The following LRRK1 variants were observed in gnomAD, a reference collection of about 807,000 sequenced individuals.
LRRK1 encodes leucine rich repeat kinase 1.
A neutral mutation model predicts 209.1 loss-of-function variants in LRRK1; 113 were observed. The observed-to-expected ratio is 0.54, with a 90% confidence interval of 0.46 to 0.63. LRRK1 has a LOEUF of 0.63. Among genes scored for constraint, LRRK1 ranks in the 30% least tolerant of loss-of-function variants. The pLI is 0.00. For missense variants in LRRK1, 2,284 were observed against 2,632.2 expected, an observed-to-expected ratio of 0.87 and a Z score of 2.89; for synonymous variants, 1,144 against 1,099.7, an observed-to-expected ratio of 1.04 and a Z score of -0.80.
chr15:101,051,749 G>T lies in LRRK1; in HGVS notation c.3478G>T (p.Glu1160Ter). The change falls in exon 24 of 34, where the codon GAG (glutamate) becomes TAG (stop). Residue 1160 changes from glutamate (E) to a stop codon, truncating the protein, a stop_gained. Transcript: ENST00000388948. LOFTEE classifies it high-confidence loss of function. ...ATESDGTPLMEQYVPCPVCET... is the reference protein window; with the variant it reads ...ATESDGTPLM ...AGAGAGCGACGGGACGCCACTCATGGAGCAGTACGTGCCCTGCCCGGTCTG... is the reference window on the plus strand; with the variant it reads ...AGAGAGCGACGGGACGCCACTCATGTAGCAGTACGTGCCCTGCCCGGTCTG... The T allele has an allele frequency of 1.9e-6, 3 of 1,613,962 alleles. No homozygotes were observed. Among genetic ancestry groups the T allele is most frequent in the Non-Finnish European group, 2.5e-6 (3 of 1,180,014 alleles).
chr15:100,953,533 TAC>T (rs1555460264), intron 2 of LRRK1, among the ~76,000 whole-genome samples: 1 of 135,844 alleles, frequency 7.4e-6, no homozygotes, highest in East Asian at 2.1e-4. Flanking sequence ...TATATATATA[TAC>T]ACACATATGT....
intron 2 of LRRK1, among the ~76,000 whole-genome samples, chr15:100,944,912 AAGAT>A (rs1463613492): frequency 6.6e-6 from 1 of 152,190 alleles, no homozygotes; most frequent in Admixed American, 6.5e-5. Flanking sequence ...AAGCAAAACA[AAGAT>A]AGAGTCTGAT....
intron 6 of LRRK1, among the ~76,000 whole-genome samples, chr15:101,003,395 C>G (rs1486205007): frequency 6.6e-6 from 1 of 152,190 alleles, no homozygotes; most frequent in Non-Finnish European, 1.5e-5. Context: ...GAGGTCCACT[C>G]TAAGGGTGTA....
chr15:101,046,534 C>T (rs141405211), intron 21 of LRRK1, among the ~76,000 whole-genome samples: 347 of 152,314 alleles, frequency 2.3e-3, no homozygotes, highest in African/African-American at 7.7e-3. Flanking sequence ...GTGATGCCGC[C>T]GGCCCAGCAA....
intron 2 of LRRK1, among the ~76,000 whole-genome samples, chr15:100,931,208 G>A (rs1449719846): frequency 6.6e-6 from 1 of 152,198 alleles, no homozygotes; most frequent in Non-Finnish European, 1.5e-5. Flanking sequence ...AACTTTTGAG[G>A]ATTGCAGTTC....
intron 12 of LRRK1, among the ~76,000 whole-genome samples, chr15:101,020,470 G>T (rs1278947589): frequency 6.7e-6 from 1 of 149,858 alleles, no homozygotes; most frequent in African/African-American, 2.5e-5. Flanking sequence ...CACCTCCCAG[G>T]TTCAAGTAAT....
intron 33 of LRRK1, chr15:101,067,463 G>A (rs984826764): frequency 8.4e-5 from 24 of 285,856 alleles, no homozygotes; most frequent in Admixed American, 1.1e-4. Flanking sequence ...GTGTGTGTGT[G>A]TACTTTGGAG....
At chr15:100,967,340 A>G (rs530957196) in intron 2 of LRRK1, among the ~76,000 whole-genome samples, 1 of 152,226 alleles carries the variant, frequency 6.6e-6, no homozygotes, top group Non-Finnish European at 1.5e-5. Flanking sequence ...CTCCACTCAG[A>G]CACAGCAATT....
At chr15:100,939,575 T>C (rs2042363761) in intron 2 of LRRK1, among the ~76,000 whole-genome samples, 1 of 152,244 alleles carries the variant, frequency 6.6e-6, no homozygotes, top group Non-Finnish European at 1.5e-5. Flanking sequence ...TTTATAAACG[T>C]CCTAATGGTT....
Position 101,049,644 on chromosome 15 carries a change from T to C in LRRK1, c.3300T>C (p.Ser1100=). 6.2e-7 allele frequency: 1 copy of C among 1,613,376 alleles called. No homozygotes were observed. Among genetic ancestry groups the C allele is most frequent in the Non-Finnish European group, 8.5e-7 (1 of 1,179,658 alleles). ...LLVTFDGGYL[S]VESSDVNWKK... is the part of the protein sequence containing the mutation. ...GCTCCTTTTGGTCTCTGGATTGCAG[T>C]GTGGAATCTTCCGACGTGAACTGGA... The change falls in exon 23 of 34, where the codon AGT becomes AGC. Residue 1100 remains serine, a splice_region_variant and synonymous_variant. Transcript: ENST00000388948.
Position 101,062,707 on chromosome 15 carries a change from G to GGCAGGTAT in LRRK1, c.4914+24_4914+31dup. The GGCAGGTAT allele has an allele frequency of 6.4e-7, 1 of 1,571,110 alleles. No homozygotes were observed. The highest frequency in any genetic ancestry group is 8.8e-7 in the Non-Finnish European group (1 of 1,140,794). ...ATTAAAAAGGTGAGGTCGGGGCAAA[G>GGCAGGTAT]GCAGGTATGCAGGTCTCTGATGCAC... On this transcript the variant is annotated intron_variant, in intron 31 of 33. Transcript: ENST00000388948.
chr15:101,068,887 C>T lies in LRRK1; in HGVS notation c.*39C>T, dbSNP rs550989870. 6.0e-5 allele frequency: 92 copies of T among 1,537,452 alleles called. 2 individuals carry two copies. The South Asian group carries it at 8.6e-4, about 14-fold the overall frequency. On this transcript the variant is annotated 3_prime_UTR_variant, in exon 34 of 34. Coordinates refer to ENST00000388948, the MANE Select transcript of LRRK1 (RefSeq NM_024652.6). ...ACTGTCACACATCAGAGCTGGCTGG[C>T]CCGGGGCTGCAGCCTGACCCCTCTG...
rs2036209850 is a variant in LRRK1, at chr15:101,061,957, A to G, written c.4798-617A>G. Among the ~76,000 whole-genome samples, 3 of 152,218 alleles carry G rather than the reference A, an allele frequency of 2.0e-5. No individual in the cohort carries two copies. The South Asian group carries it at 6.2e-4, about 31-fold the overall frequency. ...CAGGAGGTGGAGGTTGCAATGAGCC[A>G]AGATCGCACCATTGCACTCCAGCCT... On this transcript the variant is annotated intron_variant, in intron 30 of 33. Coordinates refer to ENST00000388948, the MANE Select transcript of LRRK1 (RefSeq NM_024652.6).
In LRRK1 at chr15:101,069,979, AAG is replaced by A. The variant is rs1184662286; in HGVS notation, c.*1137_*1138del. 1 of 152,262 alleles carries A rather than the reference AAG, an allele frequency of 6.6e-6. No homozygotes were observed. Among genetic ancestry groups the A allele is most frequent in the African/African-American group, 2.4e-5 (1 of 41,474 alleles). 9.4% of individuals were successfully genotyped at this position (152,262 alleles called of 1,614,324 possible). A position where few individuals can be genotyped will look rare whatever the true frequency, so the allele number is the denominator to read the frequency against. The stretch of plus-strand genomic sequence containing the variant: ...TCCTTAAACCAGAATGGGAGTTTGA[AAG>A]AGAGATCATACTCCAGCTGAAGTTT... On this transcript the variant is annotated 3_prime_UTR_variant, in exon 34 of 34. Coordinates refer to ENST00000388948, the MANE Select transcript of LRRK1 (RefSeq NM_024652.6).
intron 27 of LRRK1, 25 bp from the exon 28 acceptor site, chr15:101,056,831 C>G: frequency 1.3e-6 from 2 of 1,546,360 alleles, no homozygotes; most frequent in South Asian, 1.2e-5. Flanking sequence ...AGGCAGCGAC[C>G]TGACTTGGCT....
intron 3 of LRRK1, chr15:100,974,247 C>A (rs2031160324): frequency 6.0e-6 from 2 of 335,894 alleles, no homozygotes; most frequent in African/African-American, 2.1e-5. Flanking sequence ...CACCCAGAGG[C>A]TTAACCTACT....
At chr15:101,036,821 C>T (rs2034511202) in intron 20 of LRRK1, among the ~76,000 whole-genome samples, 1 of 152,236 alleles carries the variant, frequency 6.6e-6, no homozygotes, top group Non-Finnish European at 1.5e-5. Flanking sequence ...GGCACTTTGG[C>T]TTTCATTCTA....
At chr15:100,981,214 C>T (rs1288648101) in intron 3 of LRRK1, among the ~76,000 whole-genome samples, 1 of 152,204 alleles carries the variant, frequency 6.6e-6, no homozygotes, top group East Asian at 1.9e-4. Flanking sequence ...TCCCTCTTGG[C>T]CTTGGGCTGG....
At chr15:101,067,749 C>T (rs899181234) in intron 33 of LRRK1, among the ~76,000 whole-genome samples, 5 of 152,206 alleles carry the variant, frequency 3.3e-5, no homozygotes, top group Non-Finnish European at 7.3e-5. Context: ...CTGGCAGAGC[C>T]TGTGGGTAGA....
Sources: allele counts gnomAD v4.1 joint callset (sites outside exome capture counted in the v4.1 genomes callset), GRCh38; gene constraint gnomAD v4.1.1; transcripts MANE v1.5; gene names NCBI Gene and HGNC (gene_info 2026-07-23, HGNC 2026-07-21).